The following TRABD2B variants were observed in gnomAD, a reference collection of about 807,000 sequenced individuals.
TRABD2B encodes TraB domain containing 2B.
Under a neutral mutation model 40.1 loss-of-function variants are expected in TRABD2B, and 14 were observed. The observed-to-expected ratio is 0.35, with a 90% CI of 0.23 to 0.55. TRABD2B has a LOEUF of 0.55. Ranked by LOEUF, TRABD2B falls within the 20% of genes least tolerant of loss-of-function variation. The probability of loss-of-function intolerance (pLI) is 0.90; values close to 1 mark genes in which losing one functional copy is unlikely to be tolerated. For synonymous variants in TRABD2B, 263 were observed against 277.0 expected (o/e 0.95, Z 0.50); for missense variants, 541 against 648.6 (o/e 0.83, Z 1.80).
At chr1:47,789,291 G>A (rs1034099532) in intron 4 of TRABD2B, among the ~76,000 whole-genome samples, 1 of 152,130 alleles carries the variant, frequency 6.6e-6, no homozygotes, top group Non-Finnish European at 1.5e-5. Flanking sequence ...TCTTACACCC[G>A]TGACTTGGCA....
chr1:47,794,060 T>G (rs1644711606), intron 4 of TRABD2B, among the ~76,000 whole-genome samples: 1 of 152,250 alleles, frequency 6.6e-6, no homozygotes, highest in African/African-American at 2.4e-5. Flanking sequence ...ACAACTATTC[T>G]ACAAAGTAGA....
intron 2 of TRABD2B, among the ~76,000 whole-genome samples, chr1:47,882,028 G>A (rs1326847288): frequency 6.6e-6 from 1 of 152,234 alleles, no homozygotes; most frequent in African/African-American, 2.4e-5. Flanking sequence ...CCATGTGAGC[G>A]TGTGTGCCTT....
At chr1:47,852,328 C>T (rs749016402) in intron 2 of TRABD2B, among the ~76,000 whole-genome samples, 2 of 152,222 alleles carry the variant, frequency 1.3e-5, no homozygotes, top group Non-Finnish European at 2.9e-5. Flanking sequence ...GCCTTTGTTG[C>T]TGTTGGAGGC....
intron 2 of TRABD2B, among the ~76,000 whole-genome samples, chr1:47,943,168 G>A (rs551793713): frequency 9.2e-5 from 14 of 152,270 alleles, no homozygotes; most frequent in East Asian, 5.8e-4. Context: ...AAGATTCAAC[G>A]AGGACACGCA....
intron 2 of TRABD2B, among the ~76,000 whole-genome samples, chr1:47,982,182 T>C (rs1004084232): frequency 7.9e-5 from 12 of 152,188 alleles, no homozygotes; most frequent in African/African-American, 2.9e-4. Flanking sequence ...ATCCCTGCAC[T>C]GGATGATGCT....
At chr1:47,987,982 C>G (rs924685142) in intron 2 of TRABD2B, among the ~76,000 whole-genome samples, 5 of 152,290 alleles carry the variant, frequency 3.3e-5, no homozygotes, top group African/African-American at 1.2e-4. Flanking sequence ...GGAGAAAAGG[C>G]TTCGGCACGG....
Position 47,827,012 on chromosome 1 carries a change from T to C in TRABD2B, c.667-25393A>G, listed in dbSNP as rs1005336805. On this transcript the variant is annotated intron_variant, in intron 2 of 6. Coordinates refer to ENST00000606738, the MANE Select transcript of TRABD2B (RefSeq NM_001194986.2). ...AGATGGGGAAACCTTTGGGGCCTCATAGTCTGGCTCTGCCAAGGTGTCCAC... is the reference window on the plus strand; with the variant it reads ...AGATGGGGAAACCTTTGGGGCCTCACAGTCTGGCTCTGCCAAGGTGTCCAC... 2.0e-5 allele frequency among the ~76,000 whole-genome samples: 3 copies of C among 152,286 alleles called. No individual in the cohort carries two copies. The East Asian group carries it at 5.8e-4, about 29-fold the overall frequency.
chr1:47,975,955 G>A (rs1243452256), intron 2 of TRABD2B, among the ~76,000 whole-genome samples: 3 of 152,170 alleles, frequency 2.0e-5, no homozygotes, highest in Admixed American at 6.5e-5. Flanking sequence ...ATGGTAGTCT[G>A]AGTACAGCTG....
chr1:47,997,077 G>A lies in TRABD2B; in HGVS notation c.-288C>T, dbSNP rs1406471753. 3.0e-6 allele frequency: 3 copies of A among 984,034 alleles called. No homozygotes were observed. In the African/African-American group the frequency reaches 5.3e-5, roughly 17 times the overall value. The allele number at this position is 984,034 out of a possible 1,614,324, so 61.0% of individuals were successfully genotyped here. A position where few individuals can be genotyped will look rare whatever the true frequency, so the allele number is the denominator to read the frequency against. On this transcript the variant is annotated 5_prime_UTR_variant, in exon 1 of 7. Transcript: ENST00000606738. The stretch of plus-strand genomic sequence containing the variant: ...GCTGAGGGCGTGTTGGGGTCCGGGG[G>A]CGCGCGGGGTCCCGGAGCTGCGTCG...
intron 2 of TRABD2B, among the ~76,000 whole-genome samples, chr1:47,803,162 G>T (rs1209134178): frequency 1.3e-5 from 2 of 152,192 alleles, no homozygotes; most frequent in African/African-American, 4.8e-5. Flanking sequence ...TGACCACCTG[G>T]GGACTGGGTT....
intron 6 of TRABD2B, 141 bp downstream of exon 6, chr1:47,775,029 C>T (rs550884473): frequency 6.7e-5 from 46 of 690,188 alleles, no homozygotes; most frequent in Non-Finnish European, 8.1e-5. Flanking sequence ...CAGATGGGAA[C>T]GTGCTGTAGA....
intron 2 of TRABD2B, among the ~76,000 whole-genome samples, chr1:47,806,751 G>T (rs1452821516): frequency 6.6e-6 from 1 of 152,236 alleles, no homozygotes; most frequent in Non-Finnish European, 1.5e-5. Flanking sequence ...CAGGTTTATT[G>T]TTCCAGAGTA....
intron 2 of TRABD2B, among the ~76,000 whole-genome samples, chr1:47,809,253 G>A (rs182140508): frequency 5.3e-5 from 8 of 152,210 alleles, no homozygotes; most frequent in Admixed American, 1.3e-4. Context: ...ACTAACACTC[G>A]TCCTTCCCGC....
intron 2 of TRABD2B, among the ~76,000 whole-genome samples, chr1:47,984,735 G>A (rs1212016867): frequency 6.6e-6 from 1 of 152,066 alleles, no homozygotes; most frequent in Non-Finnish European, 1.5e-5. Context: ...GTTCACCTGG[G>A]CTTCTTCCAG....
At chr1:47,809,178 G>C (rs752190258) in intron 2 of TRABD2B, among the ~76,000 whole-genome samples, 1 of 152,130 alleles carries the variant, frequency 6.6e-6, no homozygotes, top group Admixed American at 6.6e-5. Flanking sequence ...TGGACTGCAA[G>C]GGTCCCCTGC....
intron 2 of TRABD2B, among the ~76,000 whole-genome samples, chr1:47,851,024 T>C (rs187437222): frequency 1.0e-3 from 151 of 151,396 alleles, no homozygotes; most frequent in Non-Finnish European, 1.9e-3. Context: ...CAGGTGGTAA[T>C]GCTCGCTCAC....
chr1:47,944,011 A>C (rs1021230212), intron 2 of TRABD2B, among the ~76,000 whole-genome samples: 3 of 152,232 alleles, frequency 2.0e-5, no homozygotes, highest in African/African-American at 7.2e-5. Context: ...GCAACCTAAT[A>C]TATGCTATGC....
In TRABD2B at chr1:47,794,699, T is replaced by C. The variant is rs766310785; in HGVS notation, c.875A>G (p.Asp292Gly). The C allele has an allele frequency of 8.5e-6, 13 of 1,536,310 alleles. No homozygotes were observed. The South Asian group carries it at 1.3e-4, about 15-fold the overall frequency. Residue 292 changes from aspartate to glycine, a missense_variant, in exon 4 of 7, where the codon GAC (aspartate) becomes GGC (glycine). By Grantham distance (94) the Asp-to-Gly change is moderately conservative. Around this residue, in one of 2 missense-constraint regions of TRABD2B, gnomAD observed 369 missense variants for 492.8 expected, o/e 0.75. Coordinates refer to ENST00000606738, the MANE Select transcript of TRABD2B (RefSeq NM_001194986.2). Reference protein sequence around the residue: ...PHEQVTAQEIDSYFRQELIYK... With the variant: ...PHEQVTAQEIGSYFRQELIYK... ...GATGAGCTCCTGGCGGAAGTAGCTG[T>C]CAATCTCCTGGGCCGTCACCTGCTC... is the stretch of plus-strand genomic sequence containing the variant.
chr1:47,944,230 T>C (rs1304219924), intron 2 of TRABD2B, among the ~76,000 whole-genome samples: 1 of 151,962 alleles, frequency 6.6e-6, no homozygotes, highest in African/African-American at 2.4e-5. Flanking sequence ...GGCAGAAGAG[T>C]TGGATCCAGC....
Sources: gnomAD v4.1 joint callset for allele counts (sites outside exome capture counted in the v4.1 genomes callset) on GRCh38, gnomAD v4.1.1 for gene constraint, gnomAD v4.1.1 regional missense constraint, MANE v1.5 for transcripts, NCBI Gene and HGNC (gene_info 2026-07-23, HGNC 2026-07-21) for gene names.